The following PHACTR1 variants were observed in gnomAD, a reference collection of about 807,000 sequenced individuals.
PHACTR1 encodes the protein phosphatase and actin regulator 1.
Under a neutral mutation model 69.2 loss-of-function variants are expected in PHACTR1, and 16 were observed. The observed-to-expected ratio is 0.23, with a 90% CI of 0.16 to 0.35. The LOEUF (loss-of-function observed/expected upper bound fraction) is 0.35, where lower values mean the gene tolerates loss of function less well. Ranked by LOEUF, PHACTR1 falls within the 10% of genes least tolerant of loss-of-function variation. PHACTR1 has a pLI of 1.00. For synonymous variants in PHACTR1, 312 were observed against 284.5 expected (o/e 1.10, Z -0.97); for missense variants, 510 against 734.7 (o/e 0.69, Z 3.54).
intron 5 of PHACTR1, among the ~76,000 whole-genome samples, chr6:13,087,959 C>T (rs1313255626): frequency 6.6e-6 from 1 of 152,108 alleles, no homozygotes; most frequent in Non-Finnish European, 1.5e-5. Context: ...AAGCACACAT[C>T]TTTAACCTGG....
At chr6:12,805,162 A>G (rs1375329927) in intron 4 of PHACTR1, among the ~76,000 whole-genome samples, 1 of 152,226 alleles carries the variant, frequency 6.6e-6, no homozygotes, top group Non-Finnish European at 1.5e-5. Context: ...AATTCTTACC[A>G]CGAAGGAAAT....
At chr6:13,209,050 C>T (rs534311817) in intron 8 of PHACTR1, among the ~76,000 whole-genome samples, 8 of 152,282 alleles carry the variant, frequency 5.3e-5, no homozygotes, top group African/African-American at 1.9e-4. Flanking sequence ...TTAATGCATG[C>T]ATCAGTTTGA....
intron 6 of PHACTR1, among the ~76,000 whole-genome samples, chr6:13,169,195 G>A (rs1292601820): frequency 1.3e-5 from 2 of 152,174 alleles, no homozygotes; most frequent in Non-Finnish European, 2.9e-5. Context: ...CTGAGACTCA[G>A]GATTTGGGCG....
chr6:13,175,566 C>T (rs141277268), intron 6 of PHACTR1, among the ~76,000 whole-genome samples: 249 of 152,318 alleles, frequency 1.6e-3, no homozygotes, highest in African/African-American at 5.6e-3. Flanking sequence ...CAGCACACCT[C>T]TGTTAACTGA....
intron 4 of PHACTR1, among the ~76,000 whole-genome samples, chr6:12,990,747 G>A (rs1582859870): frequency 1.3e-5 from 2 of 152,342 alleles, no homozygotes; most frequent in Admixed American, 6.5e-5. Context: ...CACATGAACT[G>A]TTTGAAAGGT....
At chr6:12,858,113 A>G (rs1310961492) in intron 4 of PHACTR1, among the ~76,000 whole-genome samples, 1 of 152,232 alleles carries the variant, frequency 6.6e-6, no homozygotes, top group Non-Finnish European at 1.5e-5. Context: ...TGTAAATTGC[A>G]GAAGTTGGAG....
At chr6:13,183,016 A>G (rs1224534348) in intron 7 of PHACTR1, among the ~76,000 whole-genome samples, 1 of 152,192 alleles carries the variant, frequency 6.6e-6, no homozygotes, top group African/African-American at 2.4e-5. Flanking sequence ...AAGCTGAGGA[A>G]TCCTACATTT....
chr6:13,046,161 T>A (rs2127722254), intron 4 of PHACTR1, among the ~76,000 whole-genome samples: 1 of 152,122 alleles, frequency 6.6e-6, no homozygotes, highest in East Asian at 1.9e-4. Flanking sequence ...ATCTGGGGTG[T>A]GGGTGTTGTT....
At chr6:12,832,047 G>A (rs150999870) in intron 4 of PHACTR1, among the ~76,000 whole-genome samples, 195 of 152,180 alleles carry the variant, frequency 1.3e-3, no homozygotes, top group African/African-American at 4.5e-3. Context: ...GTTTAAGGCT[G>A]CAGGGAGCCA....
chr6:12,984,099 C>T (rs889285847), intron 4 of PHACTR1, among the ~76,000 whole-genome samples: 1 of 152,172 alleles, frequency 6.6e-6, no homozygotes, highest in African/African-American at 2.4e-5. Context: ...ATTTGTAGTT[C>T]TAGATCCTTG....
chr6:12,845,472 G>C (rs1395120541), intron 4 of PHACTR1, among the ~76,000 whole-genome samples: 1 of 127,842 alleles, frequency 7.8e-6, no homozygotes, highest in Non-Finnish European at 1.5e-5. Context: ...TCTTTCTGCT[G>C]CTTTGCAGCA....
chr6:13,178,723 C>G (rs779759315), intron 6 of PHACTR1, among the ~76,000 whole-genome samples: 2 of 152,162 alleles, frequency 1.3e-5, no homozygotes, highest in Non-Finnish European at 2.9e-5. Context: ...TTTTTCAAAG[C>G]CATTATCACA....
At chr6:12,764,299 G>A (rs1241134353) in intron 4 of PHACTR1, among the ~76,000 whole-genome samples, 1 of 152,144 alleles carries the variant, frequency 6.6e-6, no homozygotes, top group Non-Finnish European at 1.5e-5. Flanking sequence ...GTGTATTAAG[G>A]CTAGTGCAAT....
At chr6:12,932,651 A>G (rs1788994394) in intron 4 of PHACTR1, among the ~76,000 whole-genome samples, 1 of 152,216 alleles carries the variant, frequency 6.6e-6, no homozygotes, top group Non-Finnish European at 1.5e-5. Context: ...CTCTTAAGCT[A>G]AACAATTCTG....
intron 4 of PHACTR1, among the ~76,000 whole-genome samples, chr6:12,902,609 C>G (rs1358127357): frequency 6.6e-6 from 1 of 152,174 alleles, no homozygotes; most frequent in African/African-American, 2.4e-5. Flanking sequence ...TGTGGTATCA[C>G]TTTTCTCCAC....
chr6:13,073,432 C>G (rs1463171969), intron 5 of PHACTR1, among the ~76,000 whole-genome samples: 1 of 146,766 alleles, frequency 6.8e-6, no homozygotes, highest in Non-Finnish European at 1.5e-5. Flanking sequence ...CAGTCTCCAC[C>G]TCTTGGGTCC....
At chr6:13,018,271 C>T (rs1460294017) in intron 4 of PHACTR1, among the ~76,000 whole-genome samples, 1 of 152,094 alleles carries the variant, frequency 6.6e-6, no homozygotes, top group Non-Finnish European at 1.5e-5. Flanking sequence ...GTCGAACCAC[C>T]ATTTGGTGTC....
At chr6:12,844,898 T>C (rs1779053465) in intron 4 of PHACTR1, among the ~76,000 whole-genome samples, 1 of 152,084 alleles carries the variant, frequency 6.6e-6, no homozygotes, top group African/African-American at 2.4e-5. Context: ...AGCCCTCTAG[T>C]GGTGGGAACA....
intron 4 of PHACTR1, among the ~76,000 whole-genome samples, chr6:12,910,961 G>A (rs1467601498): frequency 6.6e-6 from 1 of 152,218 alleles, no homozygotes; most frequent in Non-Finnish European, 1.5e-5. Context: ...AAGTGGCATA[G>A]GAGCTCAGAG....
Sources: allele counts gnomAD v4.1 joint callset (sites outside exome capture counted in the v4.1 genomes callset), GRCh38; gene constraint gnomAD v4.1.1; transcripts MANE v1.5; gene names NCBI Gene and HGNC (gene_info 2026-07-23, HGNC 2026-07-21).